Variants in MYO1B observed in about 807,000 individuals in gnomAD.
MYO1B encodes the protein unconventional myosin-Ib.
MYO1B carries 72 observed loss-of-function variants against 159.7 expected under a neutral mutation model. The observed-to-expected ratio is 0.45, with a 90% confidence interval of 0.37 to 0.55. The LOEUF (loss-of-function observed/expected upper bound fraction) is 0.55. Among genes scored for constraint, MYO1B ranks in the 20% least tolerant of loss-of-function variants. The probability of loss-of-function intolerance (pLI) is 0.00; values close to 1 mark genes in which losing one functional copy is unlikely to be tolerated. For missense variants in MYO1B, 1,062 were observed against 1,364.8 expected (o/e 0.78, Z 3.50); for synonymous variants, 468 against 473.8 (o/e 0.99, Z 0.16).
intron 26 of MYO1B, among the ~76,000 whole-genome samples, chr2:191,409,907 G>T (rs1184606529): frequency 6.6e-6 from 1 of 152,164 alleles, no homozygotes; most frequent in African/African-American, 2.4e-5. Flanking sequence ...AGATGGAAGG[G>T]CATGTATTTA....
At chr2:191,416,580 C>T (rs6731172) in intron 30 of MYO1B, 156,867 of 177,052 alleles carry the variant, frequency 0.89, 70,998 homozygotes, top group Non-Finnish European at 0.98. Flanking sequence ...TTTGGGAGGC[C>T]GAGGCAGGCG....
intron 11 of MYO1B, among the ~76,000 whole-genome samples, chr2:191,367,785 A>G (rs952319060): frequency 1.5e-4 from 23 of 152,220 alleles, no homozygotes; most frequent in African/African-American, 5.5e-4. Flanking sequence ...TGGAAATTAT[A>G]TAGCCTCATG....
At chr2:191,350,798 T>G (rs1692864042) in intron 7 of MYO1B, among the ~76,000 whole-genome samples, 1 of 142,034 alleles carries the variant, frequency 7.0e-6, no homozygotes, top group Non-Finnish European at 1.6e-5. Flanking sequence ...ATATTTTATG[T>G]GAAAAGTTAA....
chr2:191,379,588 C>G (rs2126066599), intron 13 of MYO1B, among the ~76,000 whole-genome samples: 1 of 152,156 alleles, frequency 6.6e-6, no homozygotes, highest in Non-Finnish European at 1.5e-5. Context: ...CTTTCCTTTC[C>G]TTCTCATTAT....
At chr2:191,262,665 G>A (rs1184902294) in intron 1 of MYO1B, among the ~76,000 whole-genome samples, 1 of 151,938 alleles carries the variant, frequency 6.6e-6, no homozygotes, top group Non-Finnish European at 1.5e-5. Context: ...AGCTCCTTAG[G>A]TCTGACTCCT....
intron 7 of MYO1B, among the ~76,000 whole-genome samples, chr2:191,351,886 AAAAT>A (rs938447521): frequency 6.6e-5 from 10 of 152,184 alleles, no homozygotes; most frequent in South Asian, 4.1e-4. Flanking sequence ...CCCCATCTCA[AAAAT>A]AAATAAATAA....
intron 7 of MYO1B, among the ~76,000 whole-genome samples, chr2:191,356,991 T>TCTCAC (rs1693334990): frequency 6.6e-6 from 1 of 152,196 alleles, no homozygotes; most frequent in African/African-American, 2.4e-5. Context: ...TCATTGTCTT[T>TCTCAC]CTCACCTCAC....
chr2:191,263,827 A>G (rs1452457297), intron 1 of MYO1B: 1 of 152,192 alleles, frequency 6.6e-6, no homozygotes, highest in African/African-American at 2.4e-5. Context: ...TGTATCCTGT[A>G]GAATATTTGG....
At chr2:191,344,816 C>A (rs1319329749) in intron 5 of MYO1B, among the ~76,000 whole-genome samples, 2 of 112,808 alleles carry the variant, frequency 1.8e-5, no homozygotes, top group East Asian at 2.6e-4. Context: ...GGCGACAGAG[C>A]GAGACTCCGT....
At chr2:191,386,547 G>C (rs1046043272) in intron 16 of MYO1B, among the ~76,000 whole-genome samples, 6 of 151,940 alleles carry the variant, frequency 3.9e-5, no homozygotes, top group Non-Finnish European at 7.4e-5. Flanking sequence ...ATATTTGGGG[G>C]AATTAATTTT....
At chr2:191,350,648 A>T (rs1223066635) in intron 7 of MYO1B, among the ~76,000 whole-genome samples, 1 of 152,104 alleles carries the variant, frequency 6.6e-6, no homozygotes, top group East Asian at 1.9e-4. Context: ...CAATAAAAGG[A>T]GTAGACCTGT....
chr2:191,308,792 T>G (rs1417218154), intron 3 of MYO1B, among the ~76,000 whole-genome samples: 1 of 152,240 alleles, frequency 6.6e-6, no homozygotes, highest in African/African-American at 2.4e-5. Flanking sequence ...TCAAATCCCA[T>G]GGTCAGTTTT....
intron 3 of MYO1B, among the ~76,000 whole-genome samples, chr2:191,297,101 A>G (rs1689027693): frequency 6.6e-6 from 1 of 152,210 alleles, no homozygotes. Flanking sequence ...TTACTGATTC[A>G]AGACAAATAT....
At chr2:191,251,034 A>AT (rs1686080264) in intron 1 of MYO1B, among the ~76,000 whole-genome samples, 1 of 152,174 alleles carries the variant, frequency 6.6e-6, no homozygotes, top group African/African-American at 2.4e-5. Context: ...AGCTAGGAGA[A>AT]TTGGTTGAAC....
chr2:191,250,906 T>G (rs1416959502), intron 1 of MYO1B, among the ~76,000 whole-genome samples: 2 of 152,206 alleles, frequency 1.3e-5, no homozygotes, highest in African/African-American at 4.8e-5. Context: ...TTGGTCACTT[T>G]TAAGGAGTTC....
chr2:191,369,729 C>A, intron 12 of MYO1B, 101 bp downstream of exon 12: 3 of 833,726 alleles, frequency 3.6e-6, no homozygotes, highest in Non-Finnish European at 5.8e-6. Flanking sequence ...TAATTGATTG[C>A]CACTTACAAA....
intron 2 of MYO1B, among the ~76,000 whole-genome samples, chr2:191,286,230 A>AC (rs1447547810): frequency 2.6e-5 from 4 of 152,182 alleles, no homozygotes; most frequent in African/African-American, 9.7e-5. Context: ...CCAGATAGAC[A>AC]CCTAAGTCTG....
intron 1 of MYO1B, among the ~76,000 whole-genome samples, chr2:191,261,998 A>G (rs1463551128): frequency 1.3e-5 from 2 of 152,138 alleles, no homozygotes; most frequent in East Asian, 1.9e-4. Flanking sequence ...ATGCATTTGG[A>G]TAAGAGAACC....
intron 8 of MYO1B, 22 bp downstream of exon 8, chr2:191,360,751 GTGTTGTTGTTGTTGTTGTTGTTGT>G: frequency 8.9e-7 from 1 of 1,117,816 alleles, no homozygotes; most frequent in South Asian, 1.4e-5. Flanking sequence ...TTTCTATGTG[GTGTTGTTGTTGTTGTTGTTGTTGT>G]TGTTGTTGTT....
Sources: allele counts gnomAD v4.1 joint callset (sites outside exome capture counted in the v4.1 genomes callset), GRCh38; gene constraint gnomAD v4.1.1; transcripts MANE v1.5; gene names NCBI Gene and HGNC (gene_info 2026-07-23, HGNC 2026-07-21).